The following MREG variants were observed in gnomAD, a reference collection of about 807,000 sequenced individuals.
MREG encodes the protein melanoregulin, also known as dilute suppressor protein homolog.
In MREG, 31 loss-of-function variants were observed where a neutral mutation model predicts 28.5. The observed-to-expected ratio is 1.09, with a 90% CI of 0.82 to 1.47. The LOEUF (loss-of-function observed/expected upper bound fraction) is 1.47, where lower values mean the gene tolerates loss of function less well. Ranked by LOEUF, MREG falls within the 40% of genes most tolerant of loss-of-function variation. The pLI is 0.00. For missense variants in MREG, 256 were observed against 257.4 expected (o/e 0.99, Z 0.04); for synonymous variants, 106 against 95.2 (o/e 1.11, Z -0.66).
intron 2 of MREG, among the ~76,000 whole-genome samples, chr2:215,994,355 T>C (rs1352362899): frequency 4.0e-5 from 6 of 150,724 alleles, no homozygotes; most frequent in African/African-American, 1.5e-4. Context: ...AAGTGGGAGC[T>C]GAAAAATGAG....
intron 1 of MREG, among the ~76,000 whole-genome samples, chr2:216,031,691 G>GAAAGAAAGAAAGAAGAAAGAAAGAA (rs1473248845): frequency 1.6e-5 from 1 of 61,102 alleles, no homozygotes; most frequent in Non-Finnish European, 3.3e-5. Context: ...AAGAAAGAAA[G>GAAAGAAAGAAAGAAGAAAGAAAGAA]AGAAAGAAAG....
At chr2:216,007,763 C>T (rs1694199618) in intron 1 of MREG, among the ~76,000 whole-genome samples, 2 of 149,534 alleles carry the variant, frequency 1.3e-5, no homozygotes, top group Admixed American at 1.3e-4. Flanking sequence ...CATTTTTGTA[C>T]TTTTAGCTGG....
intron 2 of MREG, among the ~76,000 whole-genome samples, chr2:215,982,457 G>A (rs1368887095): frequency 1.3e-5 from 2 of 152,070 alleles, no homozygotes; most frequent in Admixed American, 6.6e-5. Context: ...ATCACAGACC[G>A]ATGAACAGAA....
At chr2:216,003,653 C>T (rs575912796) in intron 1 of MREG, among the ~76,000 whole-genome samples, 7 of 152,188 alleles carry the variant, frequency 4.6e-5, no homozygotes, top group African/African-American at 1.7e-4. Context: ...GTGGTCCCGA[C>T]CAAGCACCTG....
chr2:215,985,858 A>C (rs988522813), intron 2 of MREG, among the ~76,000 whole-genome samples: 2 of 152,320 alleles, frequency 1.3e-5, no homozygotes, highest in African/African-American at 2.4e-5. Context: ...TACAAAAAAT[A>C]TCTAGGGTTC....
chr2:215,987,908 T>TA (rs1165296759), intron 2 of MREG, among the ~76,000 whole-genome samples: 4 of 150,644 alleles, frequency 2.7e-5, no homozygotes, highest in Non-Finnish European at 5.9e-5. Context: ...CGTCTCAAAA[T>TA]AAAAAAAATA....
Position 215,943,765 on chromosome 2 carries a change from C to G in MREG, c.*1098G>C, listed in dbSNP as rs545322993. ...CTGAGGCAGGGGAATCACTTGAAAC[C>G]GGAAGGCGGAGGTTGCAGTGAGCCG... On this transcript the variant is annotated 3_prime_UTR_variant, in exon 5 of 5. Coordinates refer to ENST00000263268, the MANE Select transcript of MREG (RefSeq NM_018000.3). 10 of 230,782 alleles carry G rather than the reference C, an allele frequency of 4.3e-5. No individual in the cohort carries two copies. The highest frequency in any genetic ancestry group is 3.4e-4 in the Admixed American group (6 of 17,468). 14.3% of individuals were successfully genotyped at this position (230,782 alleles called of 1,614,324 possible).
intron 2 of MREG, among the ~76,000 whole-genome samples, chr2:215,994,444 G>A (rs954078498): frequency 4.0e-5 from 6 of 151,714 alleles, no homozygotes; most frequent in East Asian, 1.9e-4. Context: ...GATGGCATTC[G>A]GAGAAATACC....
chr2:216,008,266 G>C (rs1311935341), intron 1 of MREG, among the ~76,000 whole-genome samples: 1 of 152,124 alleles, frequency 6.6e-6, no homozygotes, highest in African/African-American at 2.4e-5. Context: ...ATTGGGCTTA[G>C]TGCTTGTGAC....
chr2:215,990,420 G>C (rs1290266025), intron 2 of MREG, among the ~76,000 whole-genome samples: 1 of 152,098 alleles, frequency 6.6e-6, no homozygotes, highest in East Asian at 1.9e-4. Context: ...AGGAAAAACC[G>C]GTACCAGCCA....
At chr2:216,030,956 T>TCACACACA (rs1219074422) in intron 1 of MREG, among the ~76,000 whole-genome samples, 10 of 113,398 alleles carry the variant, frequency 8.8e-5, no homozygotes, top group South Asian at 5.7e-4. Context: ...TCTCTCTCTC[T>TCACACACA]CACACACACA....
chr2:215,975,004 T>A (rs1461754927), intron 2 of MREG, among the ~76,000 whole-genome samples: 5 of 20,886 alleles, frequency 2.4e-4, no homozygotes, highest in Admixed American at 2.3e-3. Context: ...TTATTTTATA[T>A]GAATTATATA....
At chr2:215,950,616 G>A (rs188769692) in intron 2 of MREG, among the ~76,000 whole-genome samples, 396 of 152,178 alleles carry the variant, frequency 2.6e-3, no homozygotes, top group African/African-American at 9.1e-3. Context: ...GTCTTCTTTT[G>A]ACAGAATAGT....
upstream of MREG, among the ~76,000 whole-genome samples, chr2:216,015,324 C>G (rs756376067): frequency 1.3e-5 from 2 of 151,936 alleles, no homozygotes; most frequent in Non-Finnish European, 2.9e-5. Context: ...GCCATGATAT[C>G]GCCAGGAAGA....
At chr2:216,030,952 TCTCTCA>T (rs1234639348) in intron 1 of MREG, among the ~76,000 whole-genome samples, 26 of 107,016 alleles carry the variant, frequency 2.4e-4, no homozygotes, top group African/African-American at 9.2e-4. Flanking sequence ...TCTCTCTCTC[TCTCTCA>T]CACACACACA....
At chr2:216,011,959 G>C (rs1694322650) in intron 1 of MREG, among the ~76,000 whole-genome samples, 1 of 152,190 alleles carries the variant, frequency 6.6e-6, no homozygotes, top group Non-Finnish European at 1.5e-5. Flanking sequence ...AAAAATCTAA[G>C]TGGGAGTGTC....
chr2:216,007,765 T>A (rs1694199814), intron 1 of MREG, among the ~76,000 whole-genome samples: 1 of 132,898 alleles, frequency 7.5e-6, no homozygotes, highest in South Asian at 3.0e-4. Flanking sequence ...TTTTTGTACT[T>A]TTAGCTGGCA....
At chr2:216,015,820 G>C (rs1694440787), upstream of MREG, among the ~76,000 whole-genome samples, 1 of 152,148 alleles carries the variant, frequency 6.6e-6, no homozygotes, top group Non-Finnish European at 1.5e-5. Flanking sequence ...AAAAAAGTGA[G>C]TCCCAAGTTT....
At chr2:216,007,746 T>TTC (rs1414808637) in intron 1 of MREG, among the ~76,000 whole-genome samples, 1 of 150,654 alleles carries the variant, frequency 6.6e-6, no homozygotes, top group Non-Finnish European at 1.5e-5. Flanking sequence ...TAGCGGCTTT[T>TTC]TTTTTGCATT....
Sources: allele counts gnomAD v4.1 joint callset (sites outside exome capture counted in the v4.1 genomes callset), GRCh38; gene constraint gnomAD v4.1.1; transcripts MANE v1.5; gene names NCBI Gene and HGNC (gene_info 2026-07-23, HGNC 2026-07-21).